Variants in CEP76 observed in about 807,000 individuals in gnomAD.
CEP76 encodes the protein centrosomal protein of 76 kDa.
In CEP76, 55 loss-of-function variants were observed where a neutral mutation model predicts 83.3. The ratio of observed to expected loss-of-function variants is 0.66; its 90% confidence interval spans 0.53 to 0.83. CEP76 has a LOEUF of 0.83. CEP76 is among the 40% of genes least tolerant of loss of function. CEP76 has a pLI of 0.00. For synonymous variants in CEP76, 270 were observed against 274.5 expected (o/e 0.98, Z 0.16); for missense variants, 694 against 799.5 (o/e 0.87, Z 1.59).
At chr18:12,664,867 T>G (rs140432144) in intron 12 of CEP76, among the ~76,000 whole-genome samples, 5 of 148,498 alleles carry the variant, frequency 3.4e-5, no homozygotes, top group African/African-American at 1.3e-4. Context: ...CCCAGCTAAC[T>G]TTTGTATTTT....
exon 13 of CEP76, chr18:12,662,011 T>C (rs924866781): frequency 1.6e-5 from 4 of 255,322 alleles, no homozygotes; most frequent in Non-Finnish European, 2.4e-5. Flanking sequence ...TGACTTTTTT[T>C]ATATTTACTT....
At chr18:12,675,030 A>G (rs2039072529) in intron 10 of CEP76, among the ~76,000 whole-genome samples, 1 of 152,194 alleles carries the variant, frequency 6.6e-6, no homozygotes, top group African/African-American at 2.4e-5. Flanking sequence ...TATCTACTAC[A>G]AAATACTATA....
chr18:12,680,394 G>A (rs1216487740), intron 9 of CEP76, among the ~76,000 whole-genome samples: 1 of 151,542 alleles, frequency 6.6e-6, no homozygotes, highest in African/African-American at 2.4e-5. Flanking sequence ...TCAGGAGTTC[G>A]AGACCAGCCT....
In CEP76 at chr18:12,700,975, C is replaced by A; in HGVS notation, c.202G>T (p.Glu68Ter). Residue 68 changes from glutamate to a stop codon, truncating the protein, a stop_gained, in exon 2 of 12, where the codon GAA (glutamate) becomes TAA (stop). Coordinates refer to ENST00000262127, the MANE Select transcript of CEP76 (RefSeq NM_024899.4). LOFTEE classifies it high-confidence loss of function. Reference sequence around the variant, plus strand: ...TTACTCACAGTAACAAAATTAAGTTCTTTCATCACATCGTCAATGATTCCT... The same window carrying A: ...TTACTCACAGTAACAAAATTAAGTTATTTCATCACATCGTCAATGATTCCT... ...RRGIIDDVMKELNFVTDSVEQ... is the reference protein window; with the variant it reads ...RRGIIDDVMK 4.3e-6 allele frequency: 7 copies of A among 1,613,242 alleles called. No homozygotes were observed. The highest frequency in any genetic ancestry group is 5.9e-6 in the Non-Finnish European group (7 of 1,179,648).
intron 4 of CEP76, 113 bp from the exon 5 acceptor site, chr18:12,697,521 C>T (rs1043710832): frequency 9.7e-6 from 7 of 720,482 alleles, no homozygotes; most frequent in Admixed American, 6.9e-5. Flanking sequence ...CCAAAGAGAA[C>T]AATTTGCTAA....
At chr18:12,684,657 T>G (rs1163447998) in intron 8 of CEP76, 2 of 151,806 alleles carry the variant, frequency 1.3e-5, no homozygotes, top group African/African-American at 2.4e-5. Context: ...ATTTTTGTAT[T>G]TTTTCAGTAG....
At chr18:12,702,729 C>T (rs1393157687), upstream of CEP76, 6 of 658,346 alleles carry the variant, frequency 9.1e-6, no homozygotes, top group Admixed American at 3.3e-5. Flanking sequence ...GAAATGAGGC[C>T]CCGGCGGCGG....
chr18:12,694,752 C>G (rs1433081596), intron 6 of CEP76, among the ~76,000 whole-genome samples: 1 of 150,926 alleles, frequency 6.6e-6, no homozygotes, highest in African/African-American at 2.4e-5. Flanking sequence ...TGCTCTGTTG[C>G]CCAGGCTGGA....
At chr18:12,663,642 A>C (rs1240814468) in intron 12 of CEP76, among the ~76,000 whole-genome samples, 1 of 152,254 alleles carries the variant, frequency 6.6e-6, no homozygotes, top group Non-Finnish European at 1.5e-5. Flanking sequence ...GAGAATTATC[A>C]ATAAAATTTT....
At chr18:12,671,622 G>A (rs1371718400), downstream of CEP76, among the ~76,000 whole-genome samples, 2 of 146,748 alleles carry the variant, frequency 1.4e-5, no homozygotes, top group Admixed American at 6.8e-5. Flanking sequence ...AATAAGTTGA[G>A]GAATCAGGTT....
At chr18:12,675,607 C>T (rs1286146926) in intron 10 of CEP76, among the ~76,000 whole-genome samples, 3 of 151,964 alleles carry the variant, frequency 2.0e-5, no homozygotes, top group African/African-American at 7.3e-5. Flanking sequence ...TTTATAGGCC[C>T]TTAGGGAGCT....
chr18:12,665,331 G>A (rs1326821189), intron 12 of CEP76, among the ~76,000 whole-genome samples: 1 of 152,178 alleles, frequency 6.6e-6, no homozygotes, highest in African/African-American at 2.4e-5. Flanking sequence ...GGAGGCTGAG[G>A]TGGGAGGATT....
At position 12,672,948 on chromosome 18, in the gene CEP76, A is replaced by G. The variant is rs1027703157; in HGVS notation, c.*417T>C. On this transcript the variant is annotated 3_prime_UTR_variant, in exon 12 of 12. Coordinates refer to ENST00000262127, the MANE Select transcript of CEP76 (RefSeq NM_024899.4). ...ATCTGTCATGAGGTTAATTTCTCCT[A>G]ATCTGTATAAAATAATTCCATTAAC... The G allele has an allele frequency of 4.1e-6, 4 of 982,404 alleles. No homozygotes were observed. Among genetic ancestry groups the G allele is most frequent in the African/African-American group, 3.5e-5 (2 of 57,160 alleles). 60.9% of individuals were successfully genotyped at this position (982,404 alleles called of 1,614,324 possible). A position where few individuals can be genotyped will look rare whatever the true frequency, so the allele number is the denominator to read the frequency against.
At chr18:12,683,538 G>A (rs1281687665) in intron 8 of CEP76, among the ~76,000 whole-genome samples, 1 of 151,916 alleles carries the variant, frequency 6.6e-6, no homozygotes, top group Non-Finnish European at 1.5e-5. Flanking sequence ...ATCACCTAAC[G>A]TCAGGAGTTC....
rs1233366375 is a variant in CEP76 at position 12,686,568 on chromosome 18, T to C, written c.934-118A>G. 5 of 720,950 alleles carry C rather than the reference T, an allele frequency of 6.9e-6. No homozygotes were observed. In the Admixed American group the frequency reaches 7.9e-5, roughly 11 times the overall value. 44.7% of individuals were successfully genotyped at this position (720,950 alleles called of 1,614,324 possible). On this transcript the variant is annotated intron_variant, in intron 7 of 11. Coordinates refer to ENST00000262127, the MANE Select transcript of CEP76 (RefSeq NM_024899.4). ...GCATACCATTGATCGAGTGCTTACC[T>C]TGTATCCAGTATTTGGCTGCAAAGT...
At chr18:12,682,061 G>T (rs953755027) in intron 8 of CEP76, among the ~76,000 whole-genome samples, 1 of 151,852 alleles carries the variant, frequency 6.6e-6, no homozygotes, top group Non-Finnish European at 1.5e-5. Flanking sequence ...AAATTACCAA[G>T]ATATTAAACA....
chr18:12,671,648 T>TC (rs1390750594), downstream of CEP76, among the ~76,000 whole-genome samples: 4 of 135,300 alleles, frequency 3.0e-5, no homozygotes, highest in Non-Finnish European at 6.3e-5. Context: ...CTTTCTTTTT[T>TC]TTTTTTTTTT....
Position 12,691,381 on chromosome 18 carries a change from C to T in CEP76, c.911G>A (p.Arg304Gln), listed in dbSNP as rs1243169619. ...AACCTGTGCAAAAATCTTAACCAGT[C>T]GTGAGTTGTGTGAGGGTCGAATTTG... The part of the protein sequence containing the change: ...YLQIRPSHNS[R>Q]LVKIFAQDEN... Residue 304 changes from arginine to glutamine, a missense_variant, in exon 7 of 12, where the codon CGA becomes CAA. Transcript: ENST00000262127. 2 of 1,599,818 alleles carry T rather than the reference C, an allele frequency of 1.3e-6. No homozygotes were observed. The highest frequency in any genetic ancestry group is 2.2e-5 in the East Asian group (1 of 44,534).
rs1399724076 is a variant in CEP76, at chr18:12,667,448, C to T, written c.*1728-5279G>A. 3.9e-4 allele frequency among the ~76,000 whole-genome samples: 60 copies of T among 152,022 alleles called. 1 individual carries two copies. The highest frequency in any genetic ancestry group is 4.4e-5 in the Non-Finnish European group (3 of 67,988). On this transcript the variant is annotated intron_variant and NMD_transcript_variant, in intron 12 of 12. Transcript: ENST00000590143. ...CTCTATCCCCAAAGACAGAGTGAGACAGTCTCTTGAAATTAAGAAAATATA... is the reference window on the plus strand; with the variant it reads ...CTCTATCCCCAAAGACAGAGTGAGATAGTCTCTTGAAATTAAGAAAATATA...
Sources: allele counts gnomAD v4.1 joint callset (sites outside exome capture counted in the v4.1 genomes callset), GRCh38; gene constraint gnomAD v4.1.1; transcripts MANE v1.5; gene names NCBI Gene and HGNC (gene_info 2026-07-23, HGNC 2026-07-21).